Variants in CCDC169 observed in about 807,000 individuals in gnomAD.
CCDC169 encodes the protein coiled-coil domain-containing protein 169.
In CCDC169, 30 loss-of-function variants were observed where a neutral mutation model predicts 36.0. The observed-to-expected ratio is 0.83, with a 90% CI of 0.62 to 1.13. CCDC169 has a LOEUF of 1.13. Ranked by LOEUF, CCDC169 falls within the 50% of genes most tolerant of loss-of-function variation. CCDC169 has a pLI of 0.00. For synonymous variants in CCDC169, 85 were observed against 81.5 expected (o/e 1.04, Z -0.23); for missense variants, 245 against 245.9 (o/e 1.00, Z 0.03).
chr13:36,281,013 C>T (rs1020259804), intron 4 of CCDC169: 2 of 264,104 alleles, frequency 7.6e-6, no homozygotes, highest in Admixed American at 5.0e-5. Context: ...TTACTGGGTG[C>T]AGCATCTTAG....
chr13:36,290,154 A>T (rs971239492), intron 2 of CCDC169, among the ~76,000 whole-genome samples: 3 of 152,178 alleles, frequency 2.0e-5, no homozygotes, highest in Non-Finnish European at 4.4e-5. Context: ...AGCAAATCTA[A>T]GTTAACCGAA....
At chr13:36,236,931 C>T (rs7491641) in intron 7 of CCDC169, among the ~76,000 whole-genome samples, 61,467 of 151,768 alleles carry the variant, frequency 0.41, 13,193 homozygotes, top group Non-Finnish European at 0.48. Flanking sequence ...CATATTTCCA[C>T]ATAATGTACA....
At chr13:36,240,579 G>A (rs1211746778) in intron 7 of CCDC169, 2 of 1,252,452 alleles carry the variant, frequency 1.6e-6, no homozygotes, top group African/African-American at 1.6e-5. Flanking sequence ...CCAAGTCCTA[G>A]TATCAATTTC....
chr13:36,262,033 T>C (rs144132543), intron 4 of CCDC169, among the ~76,000 whole-genome samples: 1 of 152,284 alleles, frequency 6.6e-6, no homozygotes, highest in African/African-American at 2.4e-5. Context: ...GTTGAGAGAC[T>C]GTCACATGTC....
chr13:36,232,094 T>A (rs1468345360), intron 7 of CCDC169, among the ~76,000 whole-genome samples: 2 of 152,204 alleles, frequency 1.3e-5, no homozygotes, highest in Non-Finnish European at 2.9e-5. Flanking sequence ...GGCTGAAACT[T>A]CGAACACTGA....
At chr13:36,276,575 C>T (rs1876856459) in intron 4 of CCDC169, among the ~76,000 whole-genome samples, 1 of 152,178 alleles carries the variant, frequency 6.6e-6, no homozygotes, top group African/African-American at 2.4e-5. Context: ...ATCTGACTGA[C>T]TAAGCATATG....
At chr13:36,282,526 T>C (rs1030387267) in intron 4 of CCDC169, 25 of 985,204 alleles carry the variant, frequency 2.5e-5, no homozygotes, top group Non-Finnish European at 3.0e-5. Flanking sequence ...TGAAAGCACC[T>C]GTCCAGAGAA....
At chr13:36,224,646 A>G (rs1869769004), downstream of CCDC169, 1 of 152,222 alleles carries the variant, frequency 6.6e-6, no homozygotes, top group Admixed American at 6.5e-5. Flanking sequence ...ATCAGACAAC[A>G]TAAACAAATG....
chr13:36,286,857 G>A (rs979355514), intron 2 of CCDC169, among the ~76,000 whole-genome samples: 2 of 152,060 alleles, frequency 1.3e-5, no homozygotes, highest in Non-Finnish European at 2.9e-5. Context: ...GTGGCTGGAA[G>A]GCTCATAAAC....
chr13:36,254,232 T>C (rs1305432219), intron 4 of CCDC169, 89 bp from the exon 5 acceptor site: 2 of 842,242 alleles, frequency 2.4e-6, no homozygotes, highest in Admixed American at 6.6e-5. Flanking sequence ...GTAAATGCCT[T>C]GTATACCTAA....
downstream of CCDC169, among the ~76,000 whole-genome samples, chr13:36,229,562 G>T (rs1870199775): frequency 8.1e-6 from 1 of 122,758 alleles, no homozygotes. Context: ...TTTTGAGACA[G>T]AGTCTTGCTC....
chr13:36,278,603 T>A (rs1877128368), intron 4 of CCDC169, among the ~76,000 whole-genome samples: 1 of 152,184 alleles, frequency 6.6e-6, no homozygotes, highest in African/African-American at 2.4e-5. Context: ...TCTTGACTTC[T>A]GTGATACCAT....
At chr13:36,252,560 T>C (rs574614222) in intron 6 of CCDC169, among the ~76,000 whole-genome samples, 225 of 152,264 alleles carry the variant, frequency 1.5e-3, no homozygotes, top group African/African-American at 4.8e-3. Flanking sequence ...TAGCTATGTC[T>C]TCAGGACTCC....
intron 4 of CCDC169, among the ~76,000 whole-genome samples, chr13:36,261,228 CT>C (rs1440522103): frequency 2.6e-5 from 4 of 152,086 alleles, no homozygotes; most frequent in Admixed American, 2.0e-4. Context: ...ACCACAGTGG[CT>C]GAGATGGCGA....
At chr13:36,253,626 T>G (rs1873455461) in intron 6 of CCDC169, among the ~76,000 whole-genome samples, 177 bp downstream of exon 6, 1 of 152,160 alleles carries the variant, frequency 6.6e-6, no homozygotes, top group Non-Finnish European at 1.5e-5. Context: ...TAAGCCACAG[T>G]GCCCAGCCCT....
At chr13:36,275,605 G>A (rs754638641) in intron 4 of CCDC169, among the ~76,000 whole-genome samples, 2 of 152,132 alleles carry the variant, frequency 1.3e-5, no homozygotes, top group Non-Finnish European at 2.9e-5. Context: ...GTGCTCTAGT[G>A]TCACTAATTT....
intron 4 of CCDC169, chr13:36,280,776 G>A (rs146478594): frequency 2.0e-5 from 3 of 152,246 alleles, no homozygotes; most frequent in Admixed American, 6.5e-5. Context: ...AATATCAGCT[G>A]AATACATGTT....
chr13:36,289,132 TAATAA>T (rs1259599584), intron 2 of CCDC169, among the ~76,000 whole-genome samples: 1 of 152,206 alleles, frequency 6.6e-6, no homozygotes, highest in African/African-American at 2.4e-5. Flanking sequence ...ACTTTTCTCT[TAATAA>T]AATTACAAGA....
chr13:36,272,055 C>T (rs1442291690), intron 4 of CCDC169, among the ~76,000 whole-genome samples: 9 of 147,404 alleles, frequency 6.1e-5, no homozygotes, highest in Admixed American at 1.4e-4. Context: ...ACTGCACTCG[C>T]GCCCGGGTGA....
Sources: gnomAD v4.1 joint callset for allele counts (sites outside exome capture counted in the v4.1 genomes callset) on GRCh38, gnomAD v4.1.1 for gene constraint, MANE v1.5 for transcripts, NCBI Gene and HGNC (gene_info 2026-07-23, HGNC 2026-07-21) for gene names.